Variants in BRINP3 observed in about 807,000 individuals in gnomAD.
BRINP3 encodes BMP/retinoic acid inducible neural specific 3, also known as BMP/retinoic acid-inducible neural-specific protein 3.
BRINP3 carries 19 observed loss-of-function variants against 71.0 expected under a neutral mutation model. That is an observed-to-expected ratio of 0.27 (90% CI 0.19 to 0.39). The LOEUF is 0.39. Ranked by LOEUF, BRINP3 falls within the 10% of genes least tolerant of loss-of-function variation. The pLI is 1.00. For synonymous variants in BRINP3, 380 were observed against 337.7 expected, an observed-to-expected ratio of 1.13 and a Z score of -1.37; for missense variants, 959 against 940.8, an observed-to-expected ratio of 1.02 and a Z score of -0.25.
chr1:190,302,546 C>T (rs977829351), intron 2 of BRINP3, among the ~76,000 whole-genome samples: 1 of 151,718 alleles, frequency 6.6e-6, no homozygotes, highest in Non-Finnish European at 1.5e-5. Flanking sequence ...TATTGGACAC[C>T]TCTCAGTTAC....
chr1:190,448,677 T>A (rs541539860), intron 2 of BRINP3, among the ~76,000 whole-genome samples: 1 of 151,954 alleles, frequency 6.6e-6, no homozygotes, highest in South Asian at 2.1e-4. Flanking sequence ...TTAGTTAACT[T>A]TGCTAAAAGT....
chr1:190,357,314 G>T (rs570182390), intron 2 of BRINP3, among the ~76,000 whole-genome samples: 1 of 151,944 alleles, frequency 6.6e-6, no homozygotes, highest in Non-Finnish European at 1.5e-5. Context: ...CAAAGGTTTT[G>T]CTTGTAAAGA....
At chr1:190,210,339 A>G (rs1355297546) in intron 6 of BRINP3, among the ~76,000 whole-genome samples, 1 of 152,092 alleles carries the variant, frequency 6.6e-6, no homozygotes, top group African/African-American at 2.4e-5. Flanking sequence ...GTATGAAAAA[A>G]GCAAACAAAA....
chr1:190,332,921 T>G (rs1667060281), intron 2 of BRINP3, among the ~76,000 whole-genome samples: 1 of 151,980 alleles, frequency 6.6e-6, no homozygotes, highest in Non-Finnish European at 1.5e-5. Flanking sequence ...TTCTTTTTCA[T>G]GCATCTATGA....
In BRINP3 at chr1:190,169,102, T is replaced by C. The variant is rs1000327637; in HGVS notation, c.962-8212A>G. Among the ~76,000 whole-genome samples the C allele has an allele frequency of 9.2e-5, 14 of 152,236 alleles. No homozygotes were observed. The South Asian group carries it at 1.2e-3, about 14-fold the overall frequency. Reference sequence around the variant, plus strand: ...TCTGAAAAATATGAAATGTGAAATATGTAAAAAAACACGACTAGCAGGTAT... The same window carrying C: ...TCTGAAAAATATGAAATGTGAAATACGTAAAAAAACACGACTAGCAGGTAT... On this transcript the variant is annotated intron_variant, in intron 6 of 7. Transcript: ENST00000367462.
intron 6 of BRINP3, among the ~76,000 whole-genome samples, chr1:190,220,463 C>G (rs1233973742): frequency 1.3e-5 from 2 of 151,902 alleles, no homozygotes; most frequent in Non-Finnish European, 2.9e-5. Flanking sequence ...ATGGGTGTAG[C>G]AAACCACCAT....
At chr1:190,432,623 T>C (rs1674176412) in intron 2 of BRINP3, among the ~76,000 whole-genome samples, 2 of 152,192 alleles carry the variant, frequency 1.3e-5, no homozygotes, top group South Asian at 4.1e-4. Context: ...CTTTTGCCTA[T>C]CGTTCTACTG....
At chr1:190,121,274 G>T (rs908658954) in intron 7 of BRINP3, among the ~76,000 whole-genome samples, 4 of 151,858 alleles carry the variant, frequency 2.6e-5, no homozygotes, top group Non-Finnish European at 5.9e-5. Context: ...ATTATTTGGG[G>T]ATATGAAGAG....
At chr1:190,384,421 T>G (rs1489415660) in intron 2 of BRINP3, among the ~76,000 whole-genome samples, 1 of 151,926 alleles carries the variant, frequency 6.6e-6, no homozygotes, top group African/African-American at 2.4e-5. Context: ...AGGTATGTTT[T>G]GCTTTTGCAG....
At chr1:190,472,578 CTT>C (rs1461705063) in intron 1 of BRINP3, among the ~76,000 whole-genome samples, 1 of 151,466 alleles carries the variant, frequency 6.6e-6, no homozygotes, top group African/African-American at 2.4e-5. Context: ...GTTTCAGACT[CTT>C]ATTCTAGTAA....
At chr1:190,240,941 AT>A (rs1474786826) in intron 4 of BRINP3, among the ~76,000 whole-genome samples, 1 of 149,498 alleles carries the variant, frequency 6.7e-6, no homozygotes, top group Non-Finnish European at 1.5e-5. Flanking sequence ...AATATCTTTA[AT>A]TTATTTTATT....
At chr1:190,443,111 C>G (rs879575086) in intron 2 of BRINP3, among the ~76,000 whole-genome samples, 1 of 151,484 alleles carries the variant, frequency 6.6e-6, no homozygotes, top group Non-Finnish European at 1.5e-5. Context: ...TGGGGTTTCA[C>G]TATATAGGCC....
intron 7 of BRINP3, among the ~76,000 whole-genome samples, chr1:190,125,129 G>A (rs544428494): frequency 4.5e-4 from 68 of 151,980 alleles, no homozygotes; most frequent in African/African-American, 1.6e-3. Flanking sequence ...GGCCTCAAAT[G>A]TAAGTATTCA....
chr1:190,280,896 A>G (rs1457150723), intron 3 of BRINP3, among the ~76,000 whole-genome samples: 1 of 151,916 alleles, frequency 6.6e-6, no homozygotes, highest in African/African-American at 2.4e-5. Context: ...CTTATTACAC[A>G]TTATCTCCTA....
At chr1:190,423,095 A>G (rs558804853) in intron 2 of BRINP3, among the ~76,000 whole-genome samples, 3 of 151,838 alleles carry the variant, frequency 2.0e-5, no homozygotes, top group South Asian at 2.1e-4. Flanking sequence ...CCTTCATGCT[A>G]CTTTCTAAGA....
intron 5 of BRINP3, among the ~76,000 whole-genome samples, chr1:190,234,136 T>A (rs1014324223): frequency 5.9e-5 from 9 of 152,138 alleles, no homozygotes; most frequent in Admixed American, 2.6e-4. Flanking sequence ...TTAGGACAGA[T>A]TTTCAATTGC....
chr1:190,218,088 A>C (rs1172176399), intron 6 of BRINP3, among the ~76,000 whole-genome samples: 1 of 151,840 alleles, frequency 6.6e-6, no homozygotes, highest in Non-Finnish European at 1.5e-5. Flanking sequence ...AAATATTGTA[A>C]GTGTATAACT....
intron 6 of BRINP3, among the ~76,000 whole-genome samples, chr1:190,203,261 C>A (rs1006767300): frequency 6.6e-6 from 1 of 151,878 alleles, no homozygotes; most frequent in Non-Finnish European, 1.5e-5. Flanking sequence ...CTTTATAATT[C>A]ATTGAGAACA....
At chr1:190,170,164 C>T (rs1252825604) in intron 6 of BRINP3, among the ~76,000 whole-genome samples, 1 of 151,870 alleles carries the variant, frequency 6.6e-6, no homozygotes, top group African/African-American at 2.4e-5. Flanking sequence ...CTCATAATAA[C>T]CATGAGGTAG....
Sources: allele counts gnomAD v4.1 joint callset (sites outside exome capture counted in the v4.1 genomes callset), GRCh38; gene constraint gnomAD v4.1.1; transcripts MANE v1.5; gene names NCBI Gene and HGNC (gene_info 2026-07-23, HGNC 2026-07-21).